Variants in ATRNL1 observed in about 807,000 individuals in gnomAD.
ATRNL1 encodes the protein attractin-like protein 1.
In ATRNL1, 95 loss-of-function variants were observed where a neutral mutation model predicts 182.7. The ratio of observed to expected loss-of-function variants is 0.52; its 90% CI spans 0.44 to 0.62. The LOEUF (loss-of-function observed/expected upper bound fraction) is 0.62, where lower values mean the gene tolerates loss of function less well. ATRNL1 is among the 20% of genes least tolerant of loss of function. The pLI is 0.00. For missense variants in ATRNL1, 1,471 were observed against 1,679.5 expected (o/e 0.88, Z 2.17); for synonymous variants, 576 against 568.3 (o/e 1.01, Z -0.19).
At chr10:115,671,959 A>G (rs1378125297) in intron 26 of ATRNL1, among the ~76,000 whole-genome samples, 1 of 152,148 alleles carries the variant, frequency 6.6e-6, no homozygotes, top group Non-Finnish European at 1.5e-5. Flanking sequence ...AGATTTATAA[A>G]GAAATAAACA....
intron 26 of ATRNL1, among the ~76,000 whole-genome samples, chr10:115,628,911 C>G (rs1444735049): frequency 2.0e-5 from 3 of 152,138 alleles, no homozygotes; most frequent in Non-Finnish European, 4.4e-5. Context: ...AGAGTCTATT[C>G]TTTCCTAATT....
chr10:115,140,160 G>T lies in ATRNL1; in HGVS notation c.829+10625G>T, dbSNP rs913216290. Among the ~76,000 whole-genome samples the T allele has an allele frequency of 3.4e-4, 52 of 152,128 alleles. 1 individual carries two copies. The highest frequency in any genetic ancestry group is 3.4e-3 in the Admixed American group (52 of 15,278). ...TATTAAGACTGAGTCCTGCTTAATA[G>T]TATCTGCTTGGCTAAACCTAGGTCT... is the stretch of plus-strand genomic sequence containing the variant. On this transcript the variant is annotated intron_variant, in intron 5 of 28. Transcript: ENST00000355044.
intron 25 of ATRNL1, among the ~76,000 whole-genome samples, chr10:115,540,773 G>C (rs12244403): frequency 5.7e-4 from 15 of 26,534 alleles, no homozygotes; most frequent in African/African-American, 1.5e-3. Context: ...AAAAAAAAAA[G>C]GGGGGAGGGA....
intron 15 of ATRNL1, among the ~76,000 whole-genome samples, chr10:115,294,306 C>A (rs1378511454): frequency 6.6e-6 from 1 of 152,156 alleles, no homozygotes; most frequent in African/African-American, 2.4e-5. Context: ...GGCAACATAG[C>A]AAGATCCCAT....
chr10:115,746,596 A>G (rs782717724), intron 27 of ATRNL1, among the ~76,000 whole-genome samples: 1 of 152,016 alleles, frequency 6.6e-6, no homozygotes, highest in Non-Finnish European at 1.5e-5. Context: ...ATTCACTATA[A>G]TATATTTTTG....
chr10:115,340,185 C>A (rs1398120379), intron 19 of ATRNL1, among the ~76,000 whole-genome samples: 2 of 152,140 alleles, frequency 1.3e-5, no homozygotes, highest in African/African-American at 4.8e-5. Context: ...GCTCTGTCAC[C>A]CAGGCTGGAG....
At chr10:115,505,435 G>A (rs538566308) in intron 24 of ATRNL1, among the ~76,000 whole-genome samples, 1 of 152,188 alleles carries the variant, frequency 6.6e-6, no homozygotes, top group South Asian at 2.1e-4. Context: ...AAATACGAAA[G>A]CAAGCAGTTT....
intron 25 of ATRNL1, among the ~76,000 whole-genome samples, chr10:115,541,032 A>T (rs1554991856): frequency 6.6e-6 from 1 of 152,194 alleles, no homozygotes. Context: ...ATGGATTCTT[A>T]AAGAGGACAC....
chr10:115,262,952 T>TTTG (rs1851452540), intron 10 of ATRNL1, among the ~76,000 whole-genome samples: 1 of 151,870 alleles, frequency 6.6e-6, no homozygotes, highest in African/African-American at 2.4e-5. Flanking sequence ...ATTGGGAAAA[T>TTTG]CTAGTAAAAT....
chr10:115,895,304 C>T (rs556660562), intron 28 of ATRNL1, among the ~76,000 whole-genome samples: 1 of 152,322 alleles, frequency 6.6e-6, no homozygotes, highest in African/African-American at 2.4e-5. Flanking sequence ...ACCGGGGATA[C>T]AGCTGAATAA....
intron 8 of ATRNL1, among the ~76,000 whole-genome samples, chr10:115,182,368 C>A (rs1554887971): frequency 6.6e-6 from 1 of 151,230 alleles, no homozygotes; most frequent in Non-Finnish European, 1.5e-5. Flanking sequence ...AAGGAAAACA[C>A]TAACAAAGAT....
intron 5 of ATRNL1, among the ~76,000 whole-genome samples, chr10:115,157,141 A>G (rs1846558961): frequency 6.6e-6 from 1 of 152,148 alleles, no homozygotes; most frequent in Non-Finnish European, 1.5e-5. Flanking sequence ...CAGATATCCT[A>G]ATTACCTTGT....
At chr10:115,143,087 A>G (rs1365440187) in intron 5 of ATRNL1, among the ~76,000 whole-genome samples, 5 of 152,180 alleles carry the variant, frequency 3.3e-5, no homozygotes, top group Admixed American at 2.6e-4. Context: ...TCGCTTAAAT[A>G]TTAAATTGGA....
chr10:115,837,032 C>T (rs535815855), intron 27 of ATRNL1, among the ~76,000 whole-genome samples: 1 of 152,202 alleles, frequency 6.6e-6, no homozygotes, highest in Admixed American at 6.5e-5. Context: ...AGGATCATTA[C>T]CCAGACTCTG....
intron 27 of ATRNL1, among the ~76,000 whole-genome samples, chr10:115,829,855 G>A (rs1950520404): frequency 6.6e-6 from 1 of 152,102 alleles, no homozygotes; most frequent in Non-Finnish European, 1.5e-5. Flanking sequence ...TACAAACACA[G>A]CAATGCCACC....
chr10:115,523,699 C>T (rs1351539419), intron 25 of ATRNL1, among the ~76,000 whole-genome samples: 15 of 152,164 alleles, frequency 9.9e-5, no homozygotes, highest in African/African-American at 3.4e-4. Context: ...CTGAGACCCT[C>T]AACATGGCCT....
chr10:115,467,548 G>T (rs1848112414), intron 23 of ATRNL1, among the ~76,000 whole-genome samples: 1 of 150,474 alleles, frequency 6.6e-6, no homozygotes, highest in African/African-American at 2.4e-5. Flanking sequence ...CTTCTTTAAT[G>T]ACTAAAGAGA....
At chr10:115,391,043 T>G (rs897381146) in intron 19 of ATRNL1, among the ~76,000 whole-genome samples, 2 of 152,214 alleles carry the variant, frequency 1.3e-5, no homozygotes, top group Admixed American at 6.5e-5. Context: ...AACATATTTT[T>G]GGGGGAATCT....
chr10:115,417,638 C>T (rs557972361), intron 20 of ATRNL1, among the ~76,000 whole-genome samples: 3 of 152,262 alleles, frequency 2.0e-5, no homozygotes, highest in African/African-American at 7.2e-5. Flanking sequence ...CCTCCTGCTG[C>T]AGTTGGTGAC....
Sources: gnomAD v4.1 joint callset for allele counts (sites outside exome capture counted in the v4.1 genomes callset) on GRCh38, gnomAD v4.1.1 for gene constraint, MANE v1.5 for transcripts, NCBI Gene and HGNC (gene_info 2026-07-23, HGNC 2026-07-21) for gene names.